Variants in MYRIP observed in about 807,000 individuals in gnomAD.
MYRIP encodes the protein rab effector MyRIP.
MYRIP carries 49 observed loss-of-function variants against 98.0 expected under a neutral mutation model. The ratio of observed to expected loss-of-function variants is 0.50; its 90% CI spans 0.40 to 0.63. The LOEUF is 0.63. MYRIP is among the 30% of genes least tolerant of loss of function. The pLI is 0.00. For missense variants in MYRIP, 1,004 were observed against 1,058.2 expected (o/e 0.95, Z 0.71); for synonymous variants, 404 against 409.5 (o/e 0.99, Z 0.16).
Position 40,162,648 on chromosome 3 carries a change from G to T in MYRIP, c.470-82G>T, listed in dbSNP as rs889260812. 1.2e-5 allele frequency: 15 copies of T among 1,243,064 alleles called. No individual in the cohort carries two copies. In the South Asian group the frequency reaches 1.9e-4, roughly 16 times the overall value. 77.0% of individuals were successfully genotyped at this position (1,243,064 alleles called of 1,614,324 possible). ...CCAAGTGTGTAATAGTGGTCTGCCA[G>T]TTCAGTGACACAGTGCATCAGGGTT... is the stretch of plus-strand genomic sequence containing the variant. On this transcript the variant is annotated intron_variant, in intron 4 of 16. Transcript: ENST00000302541.
intron 3 of MYRIP, among the ~76,000 whole-genome samples, chr3:40,060,652 C>T (rs1401880414): frequency 7.4e-6 from 1 of 135,090 alleles, no homozygotes; most frequent in Non-Finnish European, 1.6e-5. Context: ...AGTGCAATGG[C>T]GCTATCTCAG....
chr3:39,981,004 C>A (rs1174031925), intron 2 of MYRIP, among the ~76,000 whole-genome samples: 1 of 152,036 alleles, frequency 6.6e-6, no homozygotes, highest in East Asian at 1.9e-4. Flanking sequence ...GTCCTTCATG[C>A]CTCAGAACTA....
intron 3 of MYRIP, among the ~76,000 whole-genome samples, chr3:40,062,000 C>CT (rs780008302): frequency 6.6e-6 from 1 of 152,144 alleles, no homozygotes; most frequent in Non-Finnish European, 1.5e-5. Flanking sequence ...GGATATTAGA[C>CT]TTTTTTCTGA....
chr3:39,971,375 G>T (rs1945577612), intron 2 of MYRIP, among the ~76,000 whole-genome samples: 1 of 151,956 alleles, frequency 6.6e-6, no homozygotes. Context: ...CTGTCAAAAA[G>T]GTGTATTGGG....
At chr3:40,154,020 CT>C (rs780008314) in intron 4 of MYRIP, among the ~76,000 whole-genome samples, 1 of 151,846 alleles carries the variant, frequency 6.6e-6, no homozygotes, top group Non-Finnish European at 1.5e-5. Flanking sequence ...CTCACCTGTA[CT>C]CCCAGCTACT....
chr3:40,020,053 A>T (rs1220195042), intron 2 of MYRIP, among the ~76,000 whole-genome samples: 3 of 152,202 alleles, frequency 2.0e-5, no homozygotes, highest in Non-Finnish European at 4.4e-5. Context: ...GGTATATTGC[A>T]TGATGCTGAG....
chr3:40,089,493 A>G (rs1006564806), intron 3 of MYRIP, among the ~76,000 whole-genome samples: 4 of 152,206 alleles, frequency 2.6e-5, no homozygotes, highest in Non-Finnish European at 5.9e-5. Context: ...AGGTTCTTCC[A>G]GGCATGAGAC....
At chr3:40,186,452 A>C (rs1319835967) in intron 9 of MYRIP, among the ~76,000 whole-genome samples, 1 of 152,206 alleles carries the variant, frequency 6.6e-6, no homozygotes, top group Non-Finnish European at 1.5e-5. Flanking sequence ...GTTACTGAGC[A>C]GATGGCCACT....
At chr3:39,869,525 T>C (rs1046624707) in intron 1 of MYRIP, among the ~76,000 whole-genome samples, 1 of 152,222 alleles carries the variant, frequency 6.6e-6, no homozygotes, top group Non-Finnish European at 1.5e-5. Context: ...TAATAATTTA[T>C]TTAAAGCCTT....
At chr3:39,977,558 T>A (rs969311566) in intron 2 of MYRIP, among the ~76,000 whole-genome samples, 4 of 152,166 alleles carry the variant, frequency 2.6e-5, no homozygotes, top group Non-Finnish European at 5.9e-5. Context: ...ACAGGATGGA[T>A]GTACTGTCTC....
intron 4 of MYRIP, among the ~76,000 whole-genome samples, chr3:40,158,442 T>G (rs1319677203): frequency 2.6e-5 from 4 of 152,090 alleles, no homozygotes; most frequent in Non-Finnish European, 5.9e-5. Flanking sequence ...GGAATAGGTG[T>G]GGTGTGGTGC....
chr3:40,124,796 A>G (rs1949488058), intron 3 of MYRIP, among the ~76,000 whole-genome samples: 1 of 152,054 alleles, frequency 6.6e-6, no homozygotes, highest in Non-Finnish European at 1.5e-5. Flanking sequence ...ATAAACCCCC[A>G]CCTGGCATGG....
chr3:40,254,439 A>C lies in MYRIP; in HGVS notation c.2547+2440A>C, dbSNP rs1245656107. 1.5e-4 allele frequency among the ~76,000 whole-genome samples: 19 copies of C among 130,818 alleles called. No homozygotes were observed. In the Admixed American group the frequency reaches 1.5e-3, roughly 10 times the overall value. The allele number at this position is 130,818 out of a possible 152,430, so 85.8% of individuals were successfully genotyped here. On this transcript the variant is annotated intron_variant, in intron 16 of 16. Coordinates refer to ENST00000302541, the MANE Select transcript of MYRIP (RefSeq NM_015460.4). Reference sequence around the variant, plus strand: ...GCATTTTTACAGCAGATAATATAGAAAGAGTGGGGCAGGAGAACAATCAGA... The same window carrying C: ...GCATTTTTACAGCAGATAATATAGACAGAGTGGGGCAGGAGAACAATCAGA...
intron 2 of MYRIP, among the ~76,000 whole-genome samples, chr3:39,980,298 C>A (rs547471522): frequency 2.0e-5 from 3 of 152,292 alleles, no homozygotes; most frequent in Admixed American, 1.3e-4. Flanking sequence ...GGTGGCTGGC[C>A]TTTCATAGTT....
At chr3:39,893,921 G>T (rs1381718744) in intron 1 of MYRIP, among the ~76,000 whole-genome samples, 2 of 152,042 alleles carry the variant, frequency 1.3e-5, no homozygotes, top group East Asian at 3.9e-4. Flanking sequence ...GAACAATTTT[G>T]CTATTGTAAA....
At chr3:40,230,663 C>T (rs769731996) in intron 11 of MYRIP, among the ~76,000 whole-genome samples, 1 of 152,144 alleles carries the variant, frequency 6.6e-6, no homozygotes, top group Non-Finnish European at 1.5e-5. Flanking sequence ...AAGCAAACAG[C>T]CCATTCCTAA....
intron 2 of MYRIP, among the ~76,000 whole-genome samples, chr3:39,987,976 G>A (rs1362018670): frequency 3.9e-5 from 6 of 152,084 alleles, no homozygotes; most frequent in African/African-American, 1.2e-4. Context: ...AATACTATGT[G>A]GCCATAAAAG....
chr3:39,870,820 A>G (rs1942766805), intron 1 of MYRIP, among the ~76,000 whole-genome samples: 1 of 152,208 alleles, frequency 6.6e-6, no homozygotes, highest in Non-Finnish European at 1.5e-5. Flanking sequence ...GCAAAGGGAA[A>G]TGTGATCACA....
intron 3 of MYRIP, among the ~76,000 whole-genome samples, chr3:40,054,672 T>A (rs1045574774): frequency 6.6e-6 from 1 of 152,124 alleles, no homozygotes; most frequent in South Asian, 2.1e-4. Context: ...CAACATCCAC[T>A]CTTCCCTGGG....
Sources: allele counts gnomAD v4.1 joint callset (sites outside exome capture counted in the v4.1 genomes callset), GRCh38; gene constraint gnomAD v4.1.1; transcripts MANE v1.5; gene names NCBI Gene and HGNC (gene_info 2026-07-23, HGNC 2026-07-21).